DNAJA2: variants seen among roughly 807,000 people sequenced by gnomAD.
DNAJA2 encodes the protein dnaJ homolog subfamily A member 2.
DNAJA2 carries 6 observed loss-of-function variants against 49.3 expected under a neutral mutation model. That is an observed-to-expected ratio of 0.12 (90% CI 0.07 to 0.24). The LOEUF (loss-of-function observed/expected upper bound fraction) is 0.24, where lower values mean the gene tolerates loss of function less well. Ranked by LOEUF, DNAJA2 falls within the 10% of genes least tolerant of loss-of-function variation. The pLI, the probability that DNAJA2 is intolerant of heterozygous loss-of-function variation, is 1.00. For synonymous variants in DNAJA2, 160 were observed against 172.7 expected (o/e 0.93, Z 0.58); for missense variants, 347 against 516.8 (o/e 0.67, Z 3.19).
chr16:46,956,933 G>T lies in DNAJA2; in HGVS notation c.*96C>A. ...TACATAGACCAACAGATGTCCCTCAGTTCATCTGGATTGATAAGACACTCC... is the reference window on the plus strand; with the variant it reads ...TACATAGACCAACAGATGTCCCTCATTTCATCTGGATTGATAAGACACTCC... On this transcript the variant is annotated 3_prime_UTR_variant, in exon 9 of 9. Transcript: ENST00000317089. 1 of 1,363,872 alleles carries T rather than the reference G, an allele frequency of 7.3e-7. No homozygotes were observed. The highest frequency in any genetic ancestry group is 1.0e-6 in the Non-Finnish European group (1 of 956,316). 84.5% of individuals were successfully genotyped at this position (1,363,872 alleles called of 1,614,324 possible).
chr16:46,962,475 C>T (rs1037798574), intron 6 of DNAJA2, among the ~76,000 whole-genome samples: 5 of 152,262 alleles, frequency 3.3e-5, no homozygotes, highest in Non-Finnish European at 7.3e-5. Context: ...GAACCCCAAA[C>T]GACTCCAAGG....
Position 46,967,935 on chromosome 16 carries a change from G to A in DNAJA2, c.443+149C>T, listed in dbSNP as rs112975508. 1,178 of 800,218 alleles carry A rather than the reference G, an allele frequency of 1.5e-3. 2 individuals carry two copies. Among genetic ancestry groups the A allele is most frequent in the Non-Finnish European group, 2.1e-3 (1,073 of 520,176 alleles). The allele number at this position is 800,218 out of a possible 1,614,324, so 49.6% of individuals were successfully genotyped here. A position where few individuals can be genotyped will look rare whatever the true frequency, so the allele number is the denominator to read the frequency against. ...CTACCTCAGGTGATCCACCCGACTC[G>A]GCCTCCCAAAGTGCTGGGATTTCAG... On this transcript the variant is annotated intron_variant, in intron 4 of 8. Transcript: ENST00000317089.
At chr16:46,973,391 G>A in intron 1 of DNAJA2, 104 bp downstream of exon 1, 1 of 1,078,898 alleles carries the variant, frequency 9.3e-7, no homozygotes, top group South Asian at 3.1e-5. Flanking sequence ...GTCACGGCCG[G>A]CGCCGGCTCG....
Position 46,959,439 on chromosome 16 carries a change from G to A in DNAJA2, c.775-20C>T. The A allele has an allele frequency of 6.3e-7, 1 of 1,595,642 alleles. No individual in the cohort carries two copies. Among genetic ancestry groups the A allele is most frequent in the South Asian group, 1.1e-5 (1 of 89,752 alleles). On this transcript the variant is annotated intron_variant, in intron 6 of 8. Coordinates refer to ENST00000317089, the MANE Select transcript of DNAJA2 (RefSeq NM_005880.4). Reference sequence around the variant, plus strand: ...AAATACCTATAAATAAAGCACAAAAGAAATACATTTTCTTAAAAATTATGG... The same window carrying A: ...AAATACCTATAAATAAAGCACAAAAAAAATACATTTTCTTAAAAATTATGG...
chr16:46,966,143 A>ATTGC (rs1276364891), intron 5 of DNAJA2, among the ~76,000 whole-genome samples: 2 of 152,152 alleles, frequency 1.3e-5, no homozygotes, highest in African/African-American at 4.8e-5. Flanking sequence ...AGGTGGAAGG[A>ATTGC]TTGCTTCAGC....
Position 46,973,576 on chromosome 16 carries a change from G to C in DNAJA2, c.-4C>G. 6.3e-7 allele frequency: 1 copy of C among 1,592,364 alleles called. No individual in the cohort carries two copies. Among genetic ancestry groups the C allele is most frequent in the South Asian group, 1.1e-5 (1 of 89,254 alleles). ...TCGTGTCAGCCACGTTAGCCATGGCGGCCGGCCGGGCAGTGCTCGGGGAGA... is the reference window on the plus strand; with the variant it reads ...TCGTGTCAGCCACGTTAGCCATGGCCGCCGGCCGGGCAGTGCTCGGGGAGA... On this transcript the variant is annotated 5_prime_UTR_variant, in exon 1 of 9. Coordinates refer to ENST00000317089, the MANE Select transcript of DNAJA2 (RefSeq NM_005880.4).
chr16:46,959,101 T>G lies in DNAJA2; in HGVS notation c.949A>C (p.Met317Leu), dbSNP rs377422570. The G allele has an allele frequency of 3.4e-5, 54 of 1,566,938 alleles. No homozygotes were observed. Among genetic ancestry groups the G allele is most frequent in the Non-Finnish European group, 4.3e-5 (50 of 1,157,932 alleles). ...TCAAAGGGATTACGATACTGCGGCATCCCTTCACCTCGAACTACACGAACA... is the reference window on the plus strand; with the variant it reads ...TCAAAGGGATTACGATACTGCGGCAGCCCTTCACCTCGAACTACACGAACA... ...GCVRVVRGEGMPQYRNPFEKG... is the reference protein window; with the variant it reads ...GCVRVVRGEGLPQYRNPFEKG... Residue 317 changes from methionine (M) to leucine (L), a missense_variant, in exon 8 of 9, where the codon ATG becomes CTG. Met to Leu is a conservative substitution (Grantham distance 15, BLOSUM62 2). Transcript: ENST00000317089.
intron 1 of DNAJA2, chr16:46,972,917 C>T (rs1037113258): frequency 2.0e-5 from 3 of 152,290 alleles, no homozygotes; most frequent in African/African-American, 7.2e-5. Flanking sequence ...CAGCTACCTC[C>T]GGGTCAATGG....
intron 6 of DNAJA2, 153 bp from the exon 7 acceptor site, chr16:46,959,572 G>A: frequency 1.6e-6 from 1 of 633,712 alleles, no homozygotes; most frequent in South Asian, 2.4e-5. Context: ...AACCGCATTA[G>A]GAAAGCTAGC....
At position 46,956,437 on chromosome 16, in the gene DNAJA2, TAA is replaced by T. The variant is rs35534956; in HGVS notation, c.*590_*591del. ...GTTTCAGAAACCTTTCACAAGATGG[TAA>T]AAAAAAAAAAAAAGAAAAAAGAAAA... On this transcript the variant is annotated 3_prime_UTR_variant, in exon 9 of 9. Coordinates refer to ENST00000317089, the MANE Select transcript of DNAJA2 (RefSeq NM_005880.4). The T allele has an allele frequency of 2.7e-3, 334 of 124,746 alleles. No individual in the cohort carries two copies. Among genetic ancestry groups the T allele is most frequent in the Non-Finnish European group, 3.0e-3 (176 of 58,348 alleles). The allele number at this position is 124,746 out of a possible 1,614,324, so 7.7% of individuals were successfully genotyped here. A position where few individuals can be genotyped will look rare whatever the true frequency, so the allele number is the denominator to read the frequency against.
At chr16:46,972,119 T>C in intron 1 of DNAJA2, 164 bp from the exon 2 acceptor site, 1 of 607,992 alleles carries the variant, frequency 1.6e-6, no homozygotes, top group Non-Finnish European at 2.9e-6. Context: ...GCGATACTGT[T>C]TACTAATGTA....
rs545116409 is a variant in DNAJA2, at chr16:46,968,702, T to TA, written c.363-539dup. Among the ~76,000 whole-genome samples the TA allele has an allele frequency of 2.7e-4, 41 of 151,958 alleles. No individual in the cohort carries two copies. The East Asian group carries it at 6.4e-3, about 24-fold the overall frequency. On this transcript the variant is annotated intron_variant, in intron 3 of 8. Transcript: ENST00000317089. ...GGAGTCACTTAGATGGCATATGTCT[T>TA]AAAAAAAATAAAAGTGGCCCTACCT...
intron 5 of DNAJA2, 94 bp downstream of exon 5, chr16:46,967,419 A>G: frequency 1.3e-6 from 2 of 1,522,300 alleles, no homozygotes; most frequent in Non-Finnish European, 1.8e-6. Context: ...AGATGTATAC[A>G]AATACCCTTT....
chr16:46,970,730 CAAAAAAAAAAAAAA>C (rs10523905), intron 3 of DNAJA2, among the ~76,000 whole-genome samples: 4 of 32,200 alleles, frequency 1.2e-4, no homozygotes, highest in South Asian at 2.2e-3. Context: ...GACTCCATTT[CAAAAAAAAAAAAAA>C]AAAAAAAAAA....
Position 46,956,958 on chromosome 16 carries a change from C to A in DNAJA2, c.*71G>T. The A allele has an allele frequency of 6.4e-7, 1 of 1,555,414 alleles. No individual in the cohort carries two copies. The highest frequency in any genetic ancestry group is 8.9e-7 in the Non-Finnish European group (1 of 1,127,280). On this transcript the variant is annotated 3_prime_UTR_variant, in exon 9 of 9. Coordinates refer to ENST00000317089, the MANE Select transcript of DNAJA2 (RefSeq NM_005880.4). ...GTTCATCTGGATTGATAAGACACTC[C>A]AGCTGGATTGCTGAGAACAAATCAG...
In DNAJA2 at chr16:46,967,500, C is replaced by T. The variant is rs1296614847; in HGVS notation, c.577+13G>A. ...ATTCCAACATAAAAGCAGAGAAGTA[C>T]TGGCACACATACCTTCTCCATTACA... On this transcript the variant is annotated intron_variant, in intron 5 of 8. Coordinates refer to ENST00000317089, the MANE Select transcript of DNAJA2 (RefSeq NM_005880.4). 6.2e-7 allele frequency: 1 copy of T among 1,613,828 alleles called. No homozygotes were observed. The highest frequency in any genetic ancestry group is 1.1e-5 in the South Asian group (1 of 90,990).
At chr16:46,958,834 C>T (rs1961854674) in intron 8 of DNAJA2, 169 bp downstream of exon 8, 3 of 692,614 alleles carry the variant, frequency 4.3e-6, no homozygotes, top group Non-Finnish European at 6.8e-6. Flanking sequence ...AGTCCCAGCT[C>T]CTTGGGGGCT....
Position 46,955,859 on chromosome 16 carries a change from T to C in DNAJA2, c.*1170A>G, listed in dbSNP as rs890645645. 1.3e-5 allele frequency: 2 copies of C among 152,180 alleles called. No individual in the cohort carries two copies. The highest frequency in any genetic ancestry group is 2.9e-5 in the Non-Finnish European group (2 of 68,034). 9.4% of individuals were successfully genotyped at this position (152,180 alleles called of 1,614,324 possible). On this transcript the variant is annotated 3_prime_UTR_variant, in exon 9 of 9. Transcript: ENST00000317089. ...CTGATTTTTCTCAAACCAGCCTTTT[T>C]TTTTTGCTTATTTTTAGTTTGAAAT...
chr16:46,972,680 A>G (rs1227042376), intron 1 of DNAJA2: 1 of 152,232 alleles, frequency 6.6e-6, no homozygotes, highest in Non-Finnish European at 1.5e-5. Flanking sequence ...CTCGGCTTAC[A>G]AATCTGGATG....
Sources: gnomAD v4.1 joint callset for allele counts (sites outside exome capture counted in the v4.1 genomes callset) on GRCh38, gnomAD v4.1.1 for gene constraint, MANE v1.5 for transcripts, NCBI Gene and HGNC (gene_info 2026-07-23, HGNC 2026-07-21) for gene names.